BAHCC1: variants seen among roughly 807,000 people sequenced by gnomAD.
BAHCC1 encodes the protein BAH and coiled-coil domain-containing protein 1.
In BAHCC1, 43 loss-of-function variants were observed where a neutral mutation model predicts 88.2. The observed-to-expected ratio is 0.49, with a 90% CI of 0.38 to 0.63. The LOEUF is 0.63. Ranked by LOEUF, BAHCC1 falls within the 20% of genes least tolerant of loss-of-function variation. The probability of loss-of-function intolerance (pLI) is 0.00; values close to 1 mark genes in which losing one functional copy is unlikely to be tolerated. For missense variants in BAHCC1, 3,023 were observed against 1,654.8 expected (o/e 1.83, Z -14.34); for synonymous variants, 1,510 against 745.5 (o/e 2.03, Z -16.71).
At chr17:81,419,997 G>A (rs1019577142) in intron 2 of BAHCC1, among the ~76,000 whole-genome samples, 5 of 152,122 alleles carry the variant, frequency 3.3e-5, no homozygotes, top group Admixed American at 2.6e-4. Flanking sequence ...GCAGGAGAGT[G>A]GGGTGGGGCA....
In BAHCC1 at chr17:81,439,455, G is replaced by A. The variant is rs1453536841; in HGVS notation, c.481+963G>A. On this transcript the variant is annotated intron_variant, in intron 4 of 27. Coordinates refer to ENST00000675386, the MANE Select transcript of BAHCC1 (RefSeq NM_001377448.1). Reference sequence around the variant, plus strand: ...GGCTATGGGAGGGTGCACCTGGGGAGCAGCAGTTGGACGGTGGGGTGAGTT... The same window carrying A: ...GGCTATGGGAGGGTGCACCTGGGGAACAGCAGTTGGACGGTGGGGTGAGTT... Among the ~76,000 whole-genome samples the A allele has an allele frequency of 2.6e-5, 4 of 152,084 alleles. No homozygotes were observed. The South Asian group carries it at 6.2e-4, about 24-fold the overall frequency.
chr17:81,455,448 C>T (rs1156911732), intron 15 of BAHCC1, 58 bp downstream of exon 15: 3 of 699,692 alleles, frequency 4.3e-6, no homozygotes, highest in Admixed American at 2.0e-5. Context: ...CAGGTCCCTT[C>T]CTGGCAGGTA....
intron 2 of BAHCC1, among the ~76,000 whole-genome samples, chr17:81,413,826 C>A (rs782086746): frequency 1.3e-5 from 2 of 152,234 alleles, no homozygotes; most frequent in African/African-American, 4.8e-5. Context: ...CTGGATGGGG[C>A]GCAGGGCTCG....
At position 81,457,291 on chromosome 17, in the gene BAHCC1, A is replaced by G. The variant is rs1264105902; in HGVS notation, c.4859-119A>G. On this transcript the variant is annotated intron_variant, in intron 16 of 27. Coordinates refer to ENST00000675386, the MANE Select transcript of BAHCC1 (RefSeq NM_001377448.1). Reference sequence around the variant, plus strand: ...GCCCCACAGAGCGGCCCAGAGGGTGACGGTGACCAGCTCCACTCACAGCCC... The same window carrying G: ...GCCCCACAGAGCGGCCCAGAGGGTGGCGGTGACCAGCTCCACTCACAGCCC... The G allele has an allele frequency of 4.6e-6, 3 of 645,942 alleles. No homozygotes were observed. In the African/African-American group the frequency reaches 5.4e-5, roughly 12 times the overall value. 40.0% of individuals were successfully genotyped at this position (645,942 alleles called of 1,614,324 possible).
In BAHCC1 at chr17:81,462,304, C is replaced by T. The variant is rs533122521; in HGVS notation, c.7383+258C>T. 4.6e-5 allele frequency among the ~76,000 whole-genome samples: 7 copies of T among 152,344 alleles called. No individual in the cohort carries two copies. The South Asian group carries it at 8.3e-4, about 18-fold the overall frequency. ...GTCGGGCCGGGCCTGAGCTGCACTC[C>T]GCATGGTGTGGCCTCACTTTTCCAC... On this transcript the variant is annotated intron_variant, in intron 26 of 27. Coordinates refer to ENST00000675386, the MANE Select transcript of BAHCC1 (RefSeq NM_001377448.1).
chr17:81,425,807 C>G (rs1381310992), intron 2 of BAHCC1, among the ~76,000 whole-genome samples: 13 of 62,700 alleles, frequency 2.1e-4, no homozygotes, highest in Admixed American at 3.7e-4. Context: ...GATGGTGGGT[C>G]GTGGTGGTGG....
chr17:81,427,914 C>T (rs935725870), intron 3 of BAHCC1, among the ~76,000 whole-genome samples: 3 of 152,330 alleles, frequency 2.0e-5, no homozygotes, highest in Admixed American at 6.5e-5. Context: ...GATTAGCACC[C>T]GGCACTGCTG....
At chr17:81,446,928 C>T (rs72853266) in intron 10 of BAHCC1, 108 bp from the exon 11 acceptor site, 53,012 of 703,626 alleles carry the variant, frequency 0.075, 2,167 homozygotes, top group Middle Eastern at 0.13. Context: ...AGGGCCCTTC[C>T]GCACGGGCTT....
chr17:81,441,895 C>A lies in BAHCC1; in HGVS notation c.546C>A (p.Pro182=). Residue 182 remains proline (P), a synonymous_variant, in exon 5 of 28, where the codon CCC becomes CCA. Coordinates refer to ENST00000675386, the MANE Select transcript of BAHCC1 (RefSeq NM_001377448.1). Reference sequence around the variant, plus strand: ...TGCTGCCGGCCAACCACAACTTCCCCAGCGTGGCCCGGGCCGCCCCTGCCC... The same window carrying A: ...TGCTGCCGGCCAACCACAACTTCCCAAGCGTGGCCCGGGCCGCCCCTGCCC... ...PTLLPANHNF[P]SVARAAPAHP... The A allele has an allele frequency of 1.5e-6, 1 of 681,004 alleles. No individual in the cohort carries two copies. The highest frequency in any genetic ancestry group is 2.7e-6 in the Non-Finnish European group (1 of 366,884). The allele number at this position is 681,004 out of a possible 1,614,324, so 42.2% of individuals were successfully genotyped here.
At chr17:81,398,452 G>A (rs1555645270) in intron 1 of BAHCC1, among the ~76,000 whole-genome samples, 1 of 152,204 alleles carries the variant, frequency 6.6e-6, no homozygotes, top group African/African-American at 2.4e-5. Flanking sequence ...CGGCTAGAGG[G>A]CCGAGCTGGG....
At chr17:81,420,721 G>A (rs1555649490) in intron 2 of BAHCC1, among the ~76,000 whole-genome samples, 1 of 152,270 alleles carries the variant, frequency 6.6e-6, no homozygotes, top group African/African-American at 2.4e-5. Flanking sequence ...GGCCGGCTGG[G>A]CAGTGGGGGC....
chr17:81,413,319 C>T (rs543160196), intron 2 of BAHCC1, among the ~76,000 whole-genome samples: 2 of 152,312 alleles, frequency 1.3e-5, no homozygotes, highest in African/African-American at 4.8e-5. Flanking sequence ...CTTGGCCAAG[C>T]GTAAGCCCCG....
At chr17:81,463,327 A>T (rs1490401459) in intron 27 of BAHCC1, among the ~76,000 whole-genome samples, 4 of 151,788 alleles carry the variant, frequency 2.6e-5, no homozygotes, top group Admixed American at 2.6e-4. Context: ...CCTCTCTGAG[A>T]AGAAGCCATT....
rs539498066 is a variant in BAHCC1, at chr17:81,460,765, G to A, written c.6202+59G>A. The A allele has an allele frequency of 6.4e-6, 5 of 775,548 alleles. No individual in the cohort carries two copies. The East Asian group carries it at 9.7e-5, about 15-fold the overall frequency. The allele number at this position is 775,548 out of a possible 1,614,324, so 48.0% of individuals were successfully genotyped here. On this transcript the variant is annotated intron_variant, in intron 25 of 27. Transcript: ENST00000675386. ...GGAAGGCACCCTCTGGGGGCTGGGGGAACCAGGAGGCCCGTGGGGTAGGCA... is the reference window on the plus strand; with the variant it reads ...GGAAGGCACCCTCTGGGGGCTGGGGAAACCAGGAGGCCCGTGGGGTAGGCA...
chr17:81,448,375 C>T (rs2064572650), intron 11 of BAHCC1, among the ~76,000 whole-genome samples: 1 of 152,166 alleles, frequency 6.6e-6, no homozygotes, highest in African/African-American at 2.4e-5. Context: ...CACCCAGGGG[C>T]CCCAAGGACA....
At chr17:81,410,820 C>T (rs2063940387) in intron 2 of BAHCC1, among the ~76,000 whole-genome samples, 1 of 152,022 alleles carries the variant, frequency 6.6e-6, no homozygotes, top group South Asian at 2.1e-4. Context: ...GTCCCCGTAT[C>T]CCCCCAGTCT....
intron 3 of BAHCC1, among the ~76,000 whole-genome samples, chr17:81,436,126 C>T (rs1316364681): frequency 8.5e-5 from 13 of 152,144 alleles, no homozygotes; most frequent in East Asian, 5.8e-4. Context: ...CTCCCCACTC[C>T]CTCCTCCTTC....
chr17:81,442,619 C>G lies in BAHCC1; in HGVS notation c.1270C>G (p.His424Asp), dbSNP rs1555652890. ...CAVAGEGKDR[H>D]LEGTMAPDHA... ...CGTGGCAGGGGAGGGCAAGGACCGG[C>G]ACCTGGAGGGAACCATGGCCCCCGA... The change falls in exon 5 of 28, where the codon CAC becomes GAC. Residue 424 changes from histidine to aspartate, a missense_variant. Coordinates refer to ENST00000675386, the MANE Select transcript of BAHCC1 (RefSeq NM_001377448.1). 2 of 776,512 alleles carry G rather than the reference C, an allele frequency of 2.6e-6. No individual in the cohort carries two copies. The highest frequency in any genetic ancestry group is 2.4e-6 in the Non-Finnish European group (1 of 416,532). The allele number at this position is 776,512 out of a possible 1,614,324, so 48.1% of individuals were successfully genotyped here. A position where few individuals can be genotyped will look rare whatever the true frequency, so the allele number is the denominator to read the frequency against.
intron 2 of BAHCC1, among the ~76,000 whole-genome samples, chr17:81,403,464 C>T (rs1255889206): frequency 7.2e-6 from 1 of 139,386 alleles, no homozygotes; most frequent in Non-Finnish European, 1.5e-5. Context: ...TGAAAAAGTG[C>T]TTCCTACCGC....
Sources: allele counts gnomAD v4.1 joint callset (sites outside exome capture counted in the v4.1 genomes callset), GRCh38; gene constraint gnomAD v4.1.1; transcripts MANE v1.5; gene names NCBI Gene and HGNC (gene_info 2026-07-23, HGNC 2026-07-21).